FCER1A: variants seen among roughly 807,000 people sequenced by gnomAD.
The protein encoded by FCER1A is high affinity immunoglobulin epsilon receptor subunit alpha.
FCER1A carries 24 observed loss-of-function variants against 23.6 expected under a neutral mutation model. The observed-to-expected ratio is 1.02, with a 90% confidence interval of 0.74 to 1.43. The LOEUF (loss-of-function observed/expected upper bound fraction) is 1.43, where lower values mean the gene tolerates loss of function less well. Among genes scored for constraint, FCER1A ranks in the 40% most tolerant of loss-of-function variants. FCER1A has a pLI of 0.00. For synonymous variants in FCER1A, 121 were observed against 108.8 expected, an observed-to-expected ratio of 1.11 and a Z score of -0.70; for missense variants, 318 against 294.5, an observed-to-expected ratio of 1.08 and a Z score of -0.58.
In FCER1A at chr1:159,303,966, A is replaced by G. The variant is rs1265011226; in HGVS notation, c.115A>G (p.Asn39Asp). 1.2e-6 allele frequency: 2 copies of G among 1,611,954 alleles called. No individual in the cohort carries two copies. Among genetic ancestry groups the G allele is most frequent in the Admixed American group, 1.7e-5 (1 of 60,010 alleles). ...TAAGGTCTCCTTGAACCCTCCATGG[A>G]ATAGAATATTTAAAGGAGAGAATGT... ...KPKVSLNPPW[N>D]RIFKGENVTL... The change falls in exon 3 of 5, where the codon AAT (asparagine) becomes GAT (aspartate). Residue 39 changes from asparagine (N) to aspartate (D), a missense_variant. Physicochemically the swap from Asn to Asp is conservative, Grantham distance 23. Coordinates refer to ENST00000693622, the MANE Select transcript of FCER1A (RefSeq NM_001387280.1).
chr1:159,286,231 G>A (rs942841263), upstream of FCER1A, among the ~76,000 whole-genome samples: 3 of 151,900 alleles, frequency 2.0e-5, no homozygotes, highest in African/African-American at 4.8e-5. Flanking sequence ...TTAAATGCAT[G>A]CACAAAAGCT....
intron 1 of FCER1A, among the ~76,000 whole-genome samples, chr1:159,293,252 A>T (rs1652204502): frequency 6.6e-6 from 1 of 151,210 alleles, no homozygotes; most frequent in South Asian, 2.1e-4. Context: ...TTAGCTTTCA[A>T]ATAAAATCCC....
At chr1:159,292,091 G>C (rs751763388) in intron 1 of FCER1A, among the ~76,000 whole-genome samples, 5 of 152,066 alleles carry the variant, frequency 3.3e-5, no homozygotes, top group Non-Finnish European at 7.4e-5. Context: ...ATTTCCTAGA[G>C]TTCTGCTCTG....
chr1:159,285,290 C>G (rs1240042282), upstream of FCER1A, among the ~76,000 whole-genome samples: 1 of 152,078 alleles, frequency 6.6e-6, no homozygotes, highest in Non-Finnish European at 1.5e-5. Flanking sequence ...TCCCATTGCC[C>G]CCATATTTTA....
chr1:159,293,845 T>G lies in FCER1A; in HGVS notation c.-60+4092T>G, dbSNP rs563155274. 2.6e-5 allele frequency among the ~76,000 whole-genome samples: 4 copies of G among 151,912 alleles called. 1 individual carries two copies. The highest frequency in any genetic ancestry group is 1.9e-4 in the East Asian group (1 of 5,148). On this transcript the variant is annotated intron_variant, in intron 1 of 5. Transcript: ENST00000368115. The stretch of plus-strand genomic sequence containing the variant: ...TGACAAAGGGCTAATATCCAGAATC[T>G]ACAATGAACTCAAACAAATTTACAA...
At chr1:159,294,162 C>T in intron 1 of FCER1A, among the ~76,000 whole-genome samples, 1 of 152,154 alleles carries the variant, frequency 6.6e-6, no homozygotes, top group Non-Finnish European at 1.5e-5. Flanking sequence ...TCAGTGTGGC[C>T]ATTCCTCAGG....
chr1:159,300,856 C>A (rs1235071699), upstream of FCER1A, among the ~76,000 whole-genome samples: 1 of 152,070 alleles, frequency 6.6e-6, no homozygotes, highest in Non-Finnish European at 1.5e-5. Flanking sequence ...ATACAGGTAA[C>A]CTTCAATCAC....
intron 2 of FCER1A, 128 bp downstream of exon 2, chr1:159,303,002 T>C: frequency 2.3e-6 from 2 of 888,450 alleles, no homozygotes; most frequent in South Asian, 2.7e-5. Flanking sequence ...CCAGACTACT[T>C]TCCCTCTCCA....
At chr1:159,287,402 C>T (rs1332001067), upstream of FCER1A, among the ~76,000 whole-genome samples, 1 of 152,138 alleles carries the variant, frequency 6.6e-6, no homozygotes, top group Non-Finnish European at 1.5e-5. Context: ...CCATACTTTA[C>T]ATATTCTCAA....
At chr1:159,287,614 G>A (rs1242894802), upstream of FCER1A, among the ~76,000 whole-genome samples, 3 of 150,792 alleles carry the variant, frequency 2.0e-5, no homozygotes, top group Non-Finnish European at 4.4e-5. Context: ...TTAGAAATAT[G>A]CATATATAAA....
intron 4 of FCER1A, 123 bp from the exon 5 acceptor site, chr1:159,307,625 C>T: frequency 1.5e-6 from 1 of 675,380 alleles, no homozygotes; most frequent in Non-Finnish European, 2.5e-6. Flanking sequence ...TTCTGGATGC[C>T]ACATCACGCT....
Position 159,306,189 on chromosome 1 carries a change from GC to G in FCER1A, c.534del (p.Val180CysfsTer15), listed in dbSNP as rs1421564747. On this transcript the variant is annotated frameshift_variant, in exon 4 of 5. Coordinates refer to ENST00000693622, the MANE Select transcript of FCER1A (RefSeq NM_001387280.1). LOFTEE classifies it high-confidence loss of function. ...VEDSGTYYCT[G>X]KVWQLDYESE... ...GACAGTGGAACCTACTACTGTACGGGCAAAGTGTGGCAGCTGGACTATGAGT... is the reference window on the plus strand; with the variant it reads ...GACAGTGGAACCTACTACTGTACGGGAAAGTGTGGCAGCTGGACTATGAGT... 4 of 1,613,904 alleles carry G rather than the reference GC, an allele frequency of 2.5e-6. No individual in the cohort carries two copies. The highest frequency in any genetic ancestry group is 3.3e-5 in the Admixed American group (2 of 60,002).
At chr1:159,284,987 T>C (rs1217947262), upstream of FCER1A, among the ~76,000 whole-genome samples, 3 of 152,234 alleles carry the variant, frequency 2.0e-5, no homozygotes, top group Admixed American at 2.0e-4. Flanking sequence ...TTGCATTTGA[T>C]TGTAACTCGT....
chr1:159,297,590 C>T (rs1652325029), upstream of FCER1A, among the ~76,000 whole-genome samples: 1 of 152,096 alleles, frequency 6.6e-6, no homozygotes, highest in South Asian at 2.1e-4. Flanking sequence ...AAGGCTGAGG[C>T]AAAAAGAGTT....
chr1:159,296,065 A>G (rs551351401), intron 1 of FCER1A, among the ~76,000 whole-genome samples: 9 of 152,338 alleles, frequency 5.9e-5, no homozygotes, highest in Admixed American at 2.0e-4. Flanking sequence ...GGAAGAGGAT[A>G]GTGGAATATC....
upstream of FCER1A, among the ~76,000 whole-genome samples, chr1:159,301,368 C>T (rs768105299): frequency 6.6e-6 from 1 of 152,000 alleles, no homozygotes; most frequent in Non-Finnish European, 1.5e-5. Context: ...AGCAAAAAAA[C>T]AGAAGAATTA....
At chr1:159,292,199 A>G (rs1371316053) in intron 1 of FCER1A, among the ~76,000 whole-genome samples, 1 of 151,908 alleles carries the variant, frequency 6.6e-6, no homozygotes, top group African/African-American at 2.4e-5. Flanking sequence ...TACTTTCTCT[A>G]CTTTATATCT....
At chr1:159,303,255 G>T (rs1440336946) in intron 2 of FCER1A, among the ~76,000 whole-genome samples, 1 of 152,096 alleles carries the variant, frequency 6.6e-6, no homozygotes, top group Non-Finnish European at 1.5e-5. Context: ...TTCAACGTAA[G>T]TTCCTTGGAT....
Position 159,302,864 on chromosome 1 carries a change from C to T in FCER1A, c.66C>T (p.Gly22=), listed in dbSNP as rs151155086. 3.0e-5 allele frequency: 49 copies of T among 1,613,764 alleles called. No individual in the cohort carries two copies. In the East Asian group the frequency reaches 8.5e-4, roughly 28 times the overall value. ...TCTGGACTTTTGCAGCTCCAGATGG[C>T]GTGTTAGCAGGTGAGTCCTCTGTTC... The part of the protein sequence containing the change: ...CVALLFFAPD[G]VLAVPQKPKV... Residue 22 remains glycine, a synonymous_variant, in exon 2 of 5, where the codon GGC becomes GGT. Coordinates refer to ENST00000693622, the MANE Select transcript of FCER1A (RefSeq NM_001387280.1).
Sources: allele counts gnomAD v4.1 joint callset (sites outside exome capture counted in the v4.1 genomes callset), GRCh38; gene constraint gnomAD v4.1.1; transcripts MANE v1.5; gene names NCBI Gene and HGNC (gene_info 2026-07-23, HGNC 2026-07-21).